Variants in DNM3 observed in about 807,000 individuals in gnomAD.
The protein encoded by DNM3 is dynamin-3.
DNM3 carries 47 observed loss-of-function variants against 101.6 expected under a neutral mutation model. That is an observed-to-expected ratio of 0.46 (90% CI 0.37 to 0.59). The LOEUF (loss-of-function observed/expected upper bound fraction) is 0.59. Among genes scored for constraint, DNM3 ranks in the 20% least tolerant of loss-of-function variants. The pLI, the probability that DNM3 is intolerant of heterozygous loss-of-function variation, is 0.00. For missense variants in DNM3, 849 were observed against 1,085.7 expected, an observed-to-expected ratio of 0.78 and a Z score of 3.06; for synonymous variants, 385 against 387.9, an observed-to-expected ratio of 0.99 and a Z score of 0.09.
Position 172,408,479 on chromosome 1 carries a change from C to T in DNM3, c.*638C>T. The stretch of plus-strand genomic sequence containing the variant: ...CTTCTCCTCATTCCAATGTGTTTTG[C>T]TTCATGCTAGAAGCATATGCAACAG... On this transcript the variant is annotated 3_prime_UTR_variant, in exon 21 of 21. Transcript: ENST00000627582. The T allele has an allele frequency of 1.0e-6, 1 of 985,364 alleles. No homozygotes were observed. Among genetic ancestry groups the T allele is most frequent in the Non-Finnish European group, 1.2e-6 (1 of 829,888 alleles). 61.0% of individuals were successfully genotyped at this position (985,364 alleles called of 1,614,324 possible).
In DNM3 at chr1:172,330,614, T is replaced by C. The variant is rs148790931; in HGVS notation, c.1893+7274T>C. 2.8e-3 allele frequency among the ~76,000 whole-genome samples: 432 copies of C among 152,234 alleles called. 5 individuals are homozygous for C. The highest frequency in any genetic ancestry group is 0.021 in the South Asian group (103 of 4,812). ...TTTTAACAGCATGAGCAATATTAAT[T>C]TGTGGTCCTGTGTTGTTTTCTCATT... On this transcript the variant is annotated intron_variant, in intron 17 of 20. Transcript: ENST00000627582.
chr1:172,050,246 T>C (rs909845668), intron 10 of DNM3, among the ~76,000 whole-genome samples: 8 of 152,136 alleles, frequency 5.3e-5, no homozygotes, highest in African/African-American at 1.9e-4. Flanking sequence ...TCTTAATTGA[T>C]CTCTCTACTG....
chr1:172,025,962 G>A (rs894767233), intron 4 of DNM3, among the ~76,000 whole-genome samples: 1 of 152,114 alleles, frequency 6.6e-6, no homozygotes, highest in African/African-American at 2.4e-5. Context: ...TGAGTTTGAT[G>A]AATTGACAGA....
intron 20 of DNM3, among the ~76,000 whole-genome samples, chr1:172,404,068 T>G (rs2070706195): frequency 6.6e-6 from 1 of 152,154 alleles, no homozygotes; most frequent in Non-Finnish European, 1.5e-5. Flanking sequence ...TTGTTGTTAC[T>G]GTTTTAGAAA....
chr1:172,228,915 A>G (rs961809611), intron 14 of DNM3, among the ~76,000 whole-genome samples: 1 of 152,172 alleles, frequency 6.6e-6, no homozygotes, highest in East Asian at 1.9e-4. Flanking sequence ...TAAAATTTTT[A>G]TCAATCATTG....
intron 14 of DNM3, among the ~76,000 whole-genome samples, chr1:172,235,634 G>T (rs906933630): frequency 2.0e-5 from 3 of 152,146 alleles, no homozygotes; most frequent in African/African-American, 7.2e-5. Context: ...AGAAAATGTG[G>T]CACATATACA....
At chr1:172,100,653 A>G (rs1159472645) in intron 13 of DNM3, among the ~76,000 whole-genome samples, 2 of 152,130 alleles carry the variant, frequency 1.3e-5, no homozygotes, top group African/African-American at 4.8e-5. Flanking sequence ...ATTTTTTCAG[A>G]TGTAAATTTC....
chr1:172,234,045 A>G (rs2061440894), intron 14 of DNM3, among the ~76,000 whole-genome samples: 1 of 152,180 alleles, frequency 6.6e-6, no homozygotes, highest in African/African-American at 2.4e-5. Context: ...GGCCAGGGCA[A>G]TCAGGCAGGA....
Position 172,411,381 on chromosome 1 carries a change from G to A in DNM3, c.*3540G>A. 1 of 985,010 alleles carries A rather than the reference G, an allele frequency of 1.0e-6. No homozygotes were observed. The highest frequency in any genetic ancestry group is 1.2e-6 in the Non-Finnish European group (1 of 829,684). 61.0% of individuals were successfully genotyped at this position (985,010 alleles called of 1,614,324 possible). On this transcript the variant is annotated 3_prime_UTR_variant, in exon 21 of 21. Transcript: ENST00000627582. ...CCACAAGAAGATCTGAATCTAAGAA[G>A]GAATTACCTTTGACAATATTTTTCG...
At chr1:172,063,544 T>G (rs2051413261) in intron 10 of DNM3, among the ~76,000 whole-genome samples, 1 of 152,100 alleles carries the variant, frequency 6.6e-6, no homozygotes, top group South Asian at 2.1e-4. Flanking sequence ...CTCCTTGAAT[T>G]AAATATTGAA....
At chr1:172,033,967 A>G (rs2048789410) in intron 6 of DNM3, among the ~76,000 whole-genome samples, 1 of 152,150 alleles carries the variant, frequency 6.6e-6, no homozygotes, top group Admixed American at 6.6e-5. Flanking sequence ...TTTTGATTAT[A>G]TTGACTTAAT....
rs542325308 is a variant in DNM3, at chr1:171,853,777, A to T, written c.161+11960A>T. On this transcript the variant is annotated intron_variant, in intron 1 of 20. Transcript: ENST00000627582. ...TCTCCATTTCTTATTCATCTATTCC[A>T]TGTAAATATTGCTGCTCTCAGGTTA... Among the ~76,000 whole-genome samples the T allele has an allele frequency of 4.6e-5, 7 of 152,160 alleles. No individual in the cohort carries two copies. The East Asian group carries it at 1.2e-3, about 25-fold the overall frequency.
chr1:172,350,315 CTT>C (rs375763817), intron 17 of DNM3, among the ~76,000 whole-genome samples: 10,249 of 67,510 alleles, frequency 0.15, 392 homozygotes, highest in South Asian at 0.31. Flanking sequence ...TCCATTTTAT[CTT>C]GTGTGTGTGT....
At chr1:172,192,978 T>A (rs1015204693) in intron 14 of DNM3, among the ~76,000 whole-genome samples, 7 of 151,494 alleles carry the variant, frequency 4.6e-5, no homozygotes, top group African/African-American at 1.7e-4. Flanking sequence ...GTTGAACTAG[T>A]TTACAGTCCC....
chr1:172,263,541 C>T (rs1265729162), intron 15 of DNM3, among the ~76,000 whole-genome samples: 7 of 152,204 alleles, frequency 4.6e-5, no homozygotes, highest in Admixed American at 4.6e-4. Context: ...CATAGTTCCA[C>T]ATGGCTGGGG....
At chr1:172,133,453 G>C (rs2057048941) in intron 14 of DNM3, 1 of 984,296 alleles carries the variant, frequency 1.0e-6, no homozygotes, top group Non-Finnish European at 1.2e-6. Flanking sequence ...GGTATGGAGG[G>C]TAGTTGGGGG....
At chr1:172,124,037 AG>A (rs2148031434) in intron 13 of DNM3, among the ~76,000 whole-genome samples, 1 of 152,338 alleles carries the variant, frequency 6.6e-6, no homozygotes, top group African/African-American at 2.4e-5. Flanking sequence ...CCTATGTACA[AG>A]GTTACACGTT....
At chr1:172,014,683 A>G (rs897456670) in intron 4 of DNM3, among the ~76,000 whole-genome samples, 12 of 152,024 alleles carry the variant, frequency 7.9e-5, no homozygotes, top group Admixed American at 7.9e-4. Context: ...TGTATTTTGG[A>G]TAACAGTTCT....
chr1:172,352,161 T>C (rs777488936), intron 17 of DNM3, among the ~76,000 whole-genome samples: 5 of 152,188 alleles, frequency 3.3e-5, no homozygotes, highest in Admixed American at 6.5e-5. Context: ...CTTTTGAACC[T>C]AGAGCTGTCA....
Sources: allele counts gnomAD v4.1 joint callset (sites outside exome capture counted in the v4.1 genomes callset), GRCh38; gene constraint gnomAD v4.1.1; transcripts MANE v1.5; gene names NCBI Gene and HGNC (gene_info 2026-07-23, HGNC 2026-07-21).